Variants in PXK observed in about 807,000 individuals in gnomAD.
PXK encodes PX domain-containing protein kinase-like protein.
A neutral mutation model predicts 84.7 loss-of-function variants in PXK; 35 were observed. The observed-to-expected ratio is 0.41, with a 90% CI of 0.32 to 0.55. The LOEUF (loss-of-function observed/expected upper bound fraction) is 0.55. Ranked by LOEUF, PXK falls within the 20% of genes least tolerant of loss-of-function variation. The probability of loss-of-function intolerance (pLI) is 0.21; values close to 1 mark genes in which losing one functional copy is unlikely to be tolerated. For missense variants in PXK, 634 were observed against 699.7 expected (o/e 0.91, Z 1.06); for synonymous variants, 253 against 260.8 (o/e 0.97, Z 0.29).
chr3:58,399,518 CA>C lies in PXK; in HGVS notation c.1181+142del. ...TGGCCTGCTTGCTGATGGGCACTTG[CA>C]GCATGATATCCTCACCCTTTGTTTG... On this transcript the variant is annotated intron_variant, in intron 12 of 17. Coordinates refer to ENST00000356151, the MANE Select transcript of PXK (RefSeq NM_017771.5). The surrounding 1 kb of genome is among the most constrained non-coding windows in gnomAD (Gnocchi z 4.3). The C allele has an allele frequency of 1.3e-6, 1 of 759,596 alleles. No individual in the cohort carries two copies. Among genetic ancestry groups the C allele is most frequent in the Non-Finnish European group, 2.3e-6 (1 of 443,224 alleles). The allele number at this position is 759,596 out of a possible 1,614,324, so 47.1% of individuals were successfully genotyped here.
At chr3:58,340,224 A>G (rs1044078644) in intron 1 of PXK, among the ~76,000 whole-genome samples, 41 of 151,338 alleles carry the variant, frequency 2.7e-4, no homozygotes, top group African/African-American at 9.7e-4. Context: ...TCCAGCTCAA[A>G]CAATCCTTCT....
Position 58,421,206 on chromosome 3 carries a change from C to T in PXK, c.1529-3546C>T, listed in dbSNP as rs1165362624. 3.0e-6 allele frequency: 3 copies of T among 985,250 alleles called. No homozygotes were observed. The highest frequency in any genetic ancestry group is 3.6e-6 in the Non-Finnish European group (3 of 829,942). The allele number at this position is 985,250 out of a possible 1,614,324, so 61.0% of individuals were successfully genotyped here. ...GTCTCATGGCCACTTGGCCTCCCTTCCTGTATGTGACCACAAAGGAGCTCA... is the reference window on the plus strand; with the variant it reads ...GTCTCATGGCCACTTGGCCTCCCTTTCTGTATGTGACCACAAAGGAGCTCA... On this transcript the variant is annotated intron_variant, in intron 17 of 17. Coordinates refer to ENST00000356151, the MANE Select transcript of PXK (RefSeq NM_017771.5). This position sits in a 1 kb window ranked among gnomAD's most constrained non-coding sequence, Gnocchi z 5.5.
chr3:58,410,369 AT>A (rs979782204), intron 16 of PXK, among the ~76,000 whole-genome samples: 27 of 152,352 alleles, frequency 1.8e-4, no homozygotes, highest in African/African-American at 6.5e-4. Flanking sequence ...TTCTGAGGTA[AT>A]TGGGTAGCTC....
chr3:58,390,849 A>G lies in PXK; in HGVS notation c.466+190A>G, dbSNP rs1363376719. ...AATGAACCTTGGTTAAAGCCCCATCAAAGCATTTGGATGGTAATAACTTTC... is the reference window on the plus strand; with the variant it reads ...AATGAACCTTGGTTAAAGCCCCATCGAAGCATTTGGATGGTAATAACTTTC... On this transcript the variant is annotated intron_variant, in intron 5 of 17. Coordinates refer to ENST00000356151, the MANE Select transcript of PXK (RefSeq NM_017771.5). The surrounding 1 kb of genome is among the most constrained non-coding windows in gnomAD (Gnocchi z 4.2). 1.3e-5 allele frequency among the ~76,000 whole-genome samples: 2 copies of G among 152,196 alleles called. No homozygotes were observed. Among genetic ancestry groups the G allele is most frequent in the African/African-American group, 4.8e-5 (2 of 41,442 alleles).
chr3:58,397,153 C>T lies in PXK; in HGVS notation c.937C>T (p.Leu313=), dbSNP rs1387583327. The change falls in exon 10 of 18, where the codon CTG becomes TTG. Residue 313 remains leucine, a synonymous_variant. Transcript: ENST00000356151. The surrounding 1 kb of genome is among the most constrained non-coding windows in gnomAD (Gnocchi z 4.7). ...GGACCTTGAGAATTCCTTATTGGGC[C>T]TGCCTTCCTTCTACCGATCTTATTT... ...LLDLENSLLG[L]PSFYRSYFSQ... The T allele has an allele frequency of 5.0e-6, 8 of 1,614,020 alleles. No homozygotes were observed. The highest frequency in any genetic ancestry group is 2.7e-5 in the African/African-American group (2 of 74,936).
Position 58,416,022 on chromosome 3 carries a change from G to T in PXK, c.1528+3059G>T, listed in dbSNP as rs1427578814. Among the ~76,000 whole-genome samples the T allele has an allele frequency of 2.6e-5, 4 of 152,136 alleles. No individual in the cohort carries two copies. The highest frequency in any genetic ancestry group is 2.0e-4 in the Admixed American group (3 of 15,274). On this transcript the variant is annotated intron_variant, in intron 17 of 17. Transcript: ENST00000356151. The surrounding 1 kb of genome is among the most constrained non-coding windows in gnomAD (Gnocchi z 4.8). ...TAGAAAAATGCTAACTTGCTAGGGG[G>T]AGTGACTTTCTCCAAGCCTCTCAAG...
intron 1 of PXK, among the ~76,000 whole-genome samples, chr3:58,356,203 A>C (rs1264980165): frequency 6.6e-6 from 1 of 152,154 alleles, no homozygotes; most frequent in African/African-American, 2.4e-5. Flanking sequence ...CTAGGGCTTG[A>C]CACAGCAGCC....
chr3:58,369,763 G>T (rs1018930309), intron 3 of PXK, among the ~76,000 whole-genome samples: 4 of 151,012 alleles, frequency 2.6e-5, no homozygotes, highest in Admixed American at 2.0e-4. Flanking sequence ...AGCGGAGGTT[G>T]TGGTGAGCCG....
In PXK at chr3:58,397,735, T is replaced by C; in HGVS notation, c.1102+13T>C. The C allele has an allele frequency of 6.3e-7, 1 of 1,594,024 alleles. No individual in the cohort carries two copies. The highest frequency in any genetic ancestry group is 8.6e-7 in the Non-Finnish European group (1 of 1,161,950). ...TCCATGGCTGTGGGTCAGTATGGGG[T>C]TGGGAAGGGTCTTCTGGGCCCTAGT... On this transcript the variant is annotated intron_variant, in intron 11 of 17. Transcript: ENST00000356151. This position sits in a 1 kb window ranked among gnomAD's most constrained non-coding sequence, Gnocchi z 4.7.
intron 3 of PXK, among the ~76,000 whole-genome samples, chr3:58,376,846 A>T (rs573697110): frequency 6.5e-5 from 9 of 137,888 alleles, no homozygotes; most frequent in African/African-American, 2.3e-4. Context: ...TGCTATGTTG[A>T]TTAGGCTGGT....
intron 12 of PXK, among the ~76,000 whole-genome samples, chr3:58,402,254 C>T (rs1462429471): frequency 7.2e-6 from 1 of 139,342 alleles, no homozygotes; most frequent in Non-Finnish European, 1.6e-5. Flanking sequence ...CTCGCACTCC[C>T]CCTCCCCCTC....
At chr3:58,424,557 T>C (rs770759616) in intron 17 of PXK, among the ~76,000 whole-genome samples, 195 bp from the exon 18 acceptor site, 3 of 152,214 alleles carry the variant, frequency 2.0e-5, no homozygotes, top group Non-Finnish European at 2.9e-5. Flanking sequence ...TTGAGAAACA[T>C]GGCAACTTTT....
At chr3:58,375,992 A>C (rs889044156) in intron 3 of PXK, among the ~76,000 whole-genome samples, 3 of 152,202 alleles carry the variant, frequency 2.0e-5, no homozygotes, top group African/African-American at 7.2e-5. Flanking sequence ...TGTTTTTATT[A>C]ATCTTTCTTA....
At chr3:58,339,929 G>A (rs1020237154) in intron 1 of PXK, among the ~76,000 whole-genome samples, 1 of 147,404 alleles carries the variant, frequency 6.8e-6, no homozygotes, top group African/African-American at 2.5e-5. Flanking sequence ...ATTCTCCTGC[G>A]TCAGCCTCCC....
At position 58,399,279 on chromosome 3, in the gene PXK, G is replaced by A. The variant is rs1410720703; in HGVS notation, c.1103-20G>A. On this transcript the variant is annotated intron_variant, in intron 11 of 17. Transcript: ENST00000356151. This position sits in a 1 kb window ranked among gnomAD's most constrained non-coding sequence, Gnocchi z 4.3. ...CCAGCGTGTTCTGTGGAACTAAAAT[G>A]TGTATCTGTTCATTTCAAGTGGCCG... is the stretch of plus-strand genomic sequence containing the variant. 6.2e-7 allele frequency: 1 copy of A among 1,610,716 alleles called. No homozygotes were observed.
intron 13 of PXK, among the ~76,000 whole-genome samples, chr3:58,404,763 A>C (rs12496906): frequency 0.3 from 45,039 of 152,080 alleles, 7,423 homozygotes; most frequent in Middle Eastern, 0.39. Context: ...CCAAAAGAAC[A>C]TGTAATACTA....
rs35342339 is a variant in PXK, at chr3:58,407,535, T to TTTTA, written c.1231-1365_1231-1362dup. Among the ~76,000 whole-genome samples, 50 of 150,438 alleles carry TTTTA rather than the reference T, an allele frequency of 3.3e-4. No individual in the cohort carries two copies. The highest frequency in any genetic ancestry group is 6.3e-4 in the South Asian group (3 of 4,792). On this transcript the variant is annotated intron_variant, in intron 13 of 17. Coordinates refer to ENST00000356151, the MANE Select transcript of PXK (RefSeq NM_017771.5). This position sits in a 1 kb window ranked among gnomAD's most constrained non-coding sequence, Gnocchi z 4.3. ...TCCGTTTTTCTTTGTTGCACCAATG[T>TTTTA]TTTATTTATTTATTTATTTATTTAT... is the stretch of plus-strand genomic sequence containing the variant.
intron 1 of PXK, among the ~76,000 whole-genome samples, chr3:58,345,278 C>T (rs1328698581): frequency 6.6e-6 from 1 of 152,082 alleles, no homozygotes; most frequent in Admixed American, 6.6e-5. Flanking sequence ...AATCAGTATG[C>T]CTCAGCCTTT....
At chr3:58,374,509 A>G (rs945816277) in intron 3 of PXK, among the ~76,000 whole-genome samples, 1 of 152,052 alleles carries the variant, frequency 6.6e-6, no homozygotes, top group Non-Finnish European at 1.5e-5. Flanking sequence ...TTGTGCATAG[A>G]ACTCCGGGGA....
Sources: gnomAD v4.1 joint callset for allele counts (sites outside exome capture counted in the v4.1 genomes callset) on GRCh38, gnomAD v4.1.1 for gene constraint, Gnocchi (gnomAD v3.1) non-coding constraint, MANE v1.5 for transcripts, NCBI Gene and HGNC (gene_info 2026-07-23, HGNC 2026-07-21) for gene names.